TMPRSS11A: variants seen among roughly 807,000 people sequenced by gnomAD.
TMPRSS11A encodes the protein transmembrane serine protease 11A.
A neutral mutation model predicts 58.9 loss-of-function variants in TMPRSS11A; 53 were observed. That is an observed-to-expected ratio of 0.90 (90% CI 0.72 to 1.13). TMPRSS11A has a LOEUF of 1.13. Among genes scored for constraint, TMPRSS11A ranks in the 50% most tolerant of loss-of-function variants. TMPRSS11A has a pLI of 0.00. For synonymous variants in TMPRSS11A, 167 were observed against 169.8 expected (o/e 0.98, Z 0.13); for missense variants, 493 against 499.3 (o/e 0.99, Z 0.12).
chr4:67,944,527 C>T lies in TMPRSS11A; in HGVS notation c.244G>A (p.Glu82Lys), dbSNP rs367757086. The part of the protein sequence containing the change: ...YQLKDLRETT[E>K]NLVDEIFIDS... ...AAGTTTACCTGACTCACCAAATTTT[C>T]GGTCGTCTCTCGTAAGTCCTTAAGT... is the stretch of plus-strand genomic sequence containing the variant. The change falls in exon 3 of 10, where the codon GAA (glutamate) becomes AAA (lysine). Residue 82 changes from glutamate to lysine, a missense_variant. Glu to Lys is a moderately conservative substitution (Grantham distance 56). Coordinates refer to ENST00000508048, the MANE Select transcript of TMPRSS11A (RefSeq NM_001114387.2). 1.7e-5 allele frequency: 27 copies of T among 1,608,376 alleles called. No homozygotes were observed. The highest frequency in any genetic ancestry group is 1.5e-4 in the African/African-American group (11 of 74,666).
chr4:67,958,723 A>G (rs1004410383), intron 1 of TMPRSS11A, among the ~76,000 whole-genome samples: 3 of 152,138 alleles, frequency 2.0e-5, no homozygotes, highest in African/African-American at 7.2e-5. Context: ...AAATGTGAGT[A>G]CATGAGATTT....
At chr4:67,950,582 G>C (rs1389579351) in intron 1 of TMPRSS11A, among the ~76,000 whole-genome samples, 1 of 152,088 alleles carries the variant, frequency 6.6e-6, no homozygotes, top group South Asian at 2.1e-4. Context: ...TGAATAATTG[G>C]GATAAAGTCT....
intron 1 of TMPRSS11A, among the ~76,000 whole-genome samples, chr4:67,958,253 G>T (rs899185443): frequency 6.6e-6 from 1 of 152,222 alleles, no homozygotes; most frequent in Non-Finnish European, 1.5e-5. Flanking sequence ...CAGAATGGTA[G>T]ATTCACCGAC....
intron 9 of TMPRSS11A, among the ~76,000 whole-genome samples, chr4:67,912,095 C>A (rs1464561877): frequency 6.6e-6 from 1 of 152,012 alleles, no homozygotes; most frequent in Admixed American, 6.6e-5. Context: ...TTACAGAAAT[C>A]TTTTTTTGCT....
At chr4:67,913,569 A>G (rs1034855547) in intron 9 of TMPRSS11A, among the ~76,000 whole-genome samples, 2 of 152,270 alleles carry the variant, frequency 1.3e-5, no homozygotes, top group East Asian at 3.9e-4. Context: ...CAGTAATGTC[A>G]TGGTTCACCT....
At chr4:67,946,719 G>C in intron 1 of TMPRSS11A, 148 bp from the exon 2 acceptor site, 1 of 605,524 alleles carries the variant, frequency 1.7e-6, no homozygotes, top group Non-Finnish European at 2.4e-6. Context: ...GGTCTGAGAA[G>C]ATGTGTTAAA....
At position 67,963,435 on chromosome 4, in the gene TMPRSS11A, G is replaced by T. The variant is rs766130949; in HGVS notation, c.-42C>A. The T allele has an allele frequency of 1.2e-6, 2 of 1,609,618 alleles. No homozygotes were observed. Among genetic ancestry groups the T allele is most frequent in the South Asian group, 2.2e-5 (2 of 90,568 alleles). ...ATGATCTTGCAGGTCTGCACCCACT[G>T]AACTCAACTTTCTAATCAACTATAT... On this transcript the variant is annotated 5_prime_UTR_variant, in exon 1 of 10. Coordinates refer to ENST00000508048, the MANE Select transcript of TMPRSS11A (RefSeq NM_001114387.2).
chr4:67,927,821 G>A (rs1720513344), intron 5 of TMPRSS11A, among the ~76,000 whole-genome samples: 1 of 152,196 alleles, frequency 6.6e-6, no homozygotes, highest in Admixed American at 6.5e-5. Context: ...GGTTTCCAAA[G>A]CATATGCACA....
At chr4:67,941,162 A>T (rs549089795) in intron 3 of TMPRSS11A, among the ~76,000 whole-genome samples, 77 of 152,346 alleles carry the variant, frequency 5.1e-4, no homozygotes, top group African/African-American at 1.8e-3. Flanking sequence ...CATTCAAATC[A>T]GTAAAGCCCA....
At chr4:67,913,365 T>G (rs911601472) in intron 9 of TMPRSS11A, among the ~76,000 whole-genome samples, 3 of 152,194 alleles carry the variant, frequency 2.0e-5, no homozygotes, top group African/African-American at 7.2e-5. Flanking sequence ...CCCCTCACCA[T>G]GTGCCCCAAT....
chr4:67,909,761 G>A lies in TMPRSS11A; in HGVS notation c.*1581C>T, dbSNP rs547081578. 6.6e-6 allele frequency: 1 copy of A among 152,058 alleles called. No homozygotes were observed. Among genetic ancestry groups the A allele is most frequent in the East Asian group, 1.9e-4 (1 of 5,178 alleles). 9.4% of individuals were successfully genotyped at this position (152,058 alleles called of 1,614,324 possible). On this transcript the variant is annotated 3_prime_UTR_variant, in exon 10 of 10. Transcript: ENST00000508048. ...CAGATCTGATGATTCAATAAAAATA[G>A]TTAAGAATTCAATAAAAATAGTTAA... is the stretch of plus-strand genomic sequence containing the variant.
At chr4:67,921,881 G>T (rs889718247) in intron 7 of TMPRSS11A, among the ~76,000 whole-genome samples, 3 of 152,142 alleles carry the variant, frequency 2.0e-5, no homozygotes, top group South Asian at 2.1e-4. Context: ...GTAATAATTG[G>T]CAATGAAGAA....
chr4:67,955,263 T>G (rs2109770651), intron 1 of TMPRSS11A, among the ~76,000 whole-genome samples: 1 of 152,290 alleles, frequency 6.6e-6, no homozygotes, highest in South Asian at 2.1e-4. Flanking sequence ...GAATAAAGGG[T>G]TGAGCCACAA....
intron 8 of TMPRSS11A, among the ~76,000 whole-genome samples, chr4:67,918,611 C>G (rs1266551499): frequency 6.6e-6 from 1 of 152,144 alleles, no homozygotes; most frequent in African/African-American, 2.4e-5. Context: ...TTAGCCACCT[C>G]TGACACTAGG....
Position 67,914,728 on chromosome 4 carries a change from C to A in TMPRSS11A, c.955G>T (p.Glu319Ter), listed in dbSNP as rs557705286. Residue 319 changes from glutamate (E) to a stop codon, truncating the protein, a stop_gained and splice_region_variant, in exon 9 of 10, where the codon GAA becomes TAA. Coordinates refer to ENST00000508048, the MANE Select transcript of TMPRSS11A (RefSeq NM_001114387.2). LOFTEE classifies it high-confidence loss of function. ...GCTTCTCGGAGATCATTTTGGGATT[C>A]CCCTTAAGGAAAAATAGAGTTATTC... ...TGFGALYYGG[E>*]SQNDLREARV... is the part of the protein sequence containing the mutation. The A allele has an allele frequency of 6.2e-7, 1 of 1,611,166 alleles. No homozygotes were observed. The highest frequency in any genetic ancestry group is 2.2e-5 in the East Asian group (1 of 44,768).
intron 1 of TMPRSS11A, among the ~76,000 whole-genome samples, chr4:67,962,401 G>A (rs1224718310): frequency 6.6e-6 from 1 of 152,086 alleles, no homozygotes; most frequent in African/African-American, 2.4e-5. Context: ...CACCCAGACA[G>A]GCTGCAGTAG....
intron 1 of TMPRSS11A, among the ~76,000 whole-genome samples, chr4:67,946,974 CTTTTAT>C (rs1048978060): frequency 1.5e-4 from 23 of 152,004 alleles, no homozygotes; most frequent in African/African-American, 4.8e-4. Context: ...TATCTTTTGT[CTTTTAT>C]TTTTAAGTAT....
rs1346938456 is a variant in TMPRSS11A, at chr4:67,911,111, C to T, written c.*231G>A. 1.0e-5 allele frequency: 4 copies of T among 383,556 alleles called. No individual in the cohort carries two copies. The highest frequency in any genetic ancestry group is 4.0e-5 in the Admixed American group (1 of 24,854). The allele number at this position is 383,556 out of a possible 1,614,324, so 23.8% of individuals were successfully genotyped here. On this transcript the variant is annotated 3_prime_UTR_variant, in exon 10 of 10. Coordinates refer to ENST00000508048, the MANE Select transcript of TMPRSS11A (RefSeq NM_001114387.2). The stretch of plus-strand genomic sequence containing the variant: ...ATTCGTGATTTAAAGAGCTAAGTAT[C>T]TCTACCGTATTTTTCAAGCCAGATC...
At chr4:67,929,832 A>G (rs1553922511) in intron 5 of TMPRSS11A, 48 bp downstream of exon 5, 4 of 1,441,700 alleles carry the variant, frequency 2.8e-6, no homozygotes, top group Non-Finnish European at 3.8e-6. Context: ...TCGTCAAAAC[A>G]TGGACCTAAT....
Sources: allele counts gnomAD v4.1 joint callset (sites outside exome capture counted in the v4.1 genomes callset), GRCh38; gene constraint gnomAD v4.1.1; transcripts MANE v1.5; gene names NCBI Gene and HGNC (gene_info 2026-07-23, HGNC 2026-07-21).